LRRC37A2: variants seen among roughly 807,000 people sequenced by gnomAD.
LRRC37A2 encodes the protein leucine-rich repeat-containing protein 37A2.
A neutral mutation model predicts 68.8 loss-of-function variants in LRRC37A2; 9 were observed. The ratio of observed to expected loss-of-function variants is 0.13; its 90% confidence interval spans 0.08 to 0.23. The LOEUF (loss-of-function observed/expected upper bound fraction) is 0.23, where lower values mean the gene tolerates loss of function less well. Ranked by LOEUF, LRRC37A2 falls within the 10% of genes least tolerant of loss-of-function variation. LRRC37A2 has a pLI of 1.00. For synonymous variants in LRRC37A2, 63 were observed against 367.6 expected, an observed-to-expected ratio of 0.17 and a Z score of 9.48; for missense variants, 168 against 950.4, an observed-to-expected ratio of 0.18 and a Z score of 10.82.
the LRRC37A2 span, among the ~76,000 whole-genome samples, chr17:46,601,718 T>A: frequency 2.0e-5 from 3 of 149,550 alleles, no homozygotes; most frequent in Non-Finnish European, 2.9e-5. Context: ...GTTTCATAAT[T>A]CTTTTTGTCC....
chr17:46,745,260 C>T, the LRRC37A2 span, among the ~76,000 whole-genome samples: 27 of 152,150 alleles, frequency 1.8e-4, no homozygotes, highest in Non-Finnish European at 3.4e-4. Context: ...CATGATAAAG[C>T]TTCCTTATGA....
chr17:47,022,049 T>C, the LRRC37A2 span: 1 of 807,218 alleles, frequency 1.2e-6, no homozygotes, highest in Non-Finnish European at 2.0e-6. Flanking sequence ...CAACCACTGT[T>C]GACTGCAATC....
At chr17:46,806,925 T>A in the LRRC37A2 span, among the ~76,000 whole-genome samples, 1 of 152,132 alleles carries the variant, frequency 6.6e-6, no homozygotes, top group South Asian at 2.1e-4. Flanking sequence ...AGAGGGTGGG[T>A]GCTACCTGGG....
chr17:46,833,236 G>GC, the LRRC37A2 span: 1 of 424,830 alleles, frequency 2.4e-6, no homozygotes, highest in Non-Finnish European at 4.7e-6. Context: ...TGGAAGCTGG[G>GC]CCTGAGCCCT....
At chr17:46,894,069 G>A in the LRRC37A2 span, among the ~76,000 whole-genome samples, 1 of 152,188 alleles carries the variant, frequency 6.6e-6, no homozygotes, top group Non-Finnish European at 1.5e-5. Flanking sequence ...TGCTTACTGT[G>A]ACCACTTAGG....
the LRRC37A2 span, among the ~76,000 whole-genome samples, chr17:46,575,285 G>T: frequency 1.5e-5 from 2 of 130,086 alleles, no homozygotes; most frequent in Non-Finnish European, 1.7e-5. Flanking sequence ...TTAACAAGCC[G>T]GTAAAACACA....
chr17:47,010,668 G>A, the LRRC37A2 span: 5 of 152,374 alleles, frequency 3.3e-5, no homozygotes, highest in African/African-American at 9.6e-5. Context: ...AGCTTAGGTG[G>A]CGAGGAACAG....
the LRRC37A2 span, chr17:46,930,682 T>G: frequency 7.0e-6 from 1 of 143,574 alleles, no homozygotes; most frequent in Non-Finnish European, 1.5e-5. Flanking sequence ...AAAAAAAAAC[T>G]CATTACTATA....
chr17:47,001,784 A>T, the LRRC37A2 span, among the ~76,000 whole-genome samples: 2 of 123,042 alleles, frequency 1.6e-5, no homozygotes, highest in Non-Finnish European at 3.2e-5. Context: ...TGCAGTGGTG[A>T]GATCTCGGCT....
chr17:47,029,234 T>TG, the LRRC37A2 span, among the ~76,000 whole-genome samples: 14 of 151,884 alleles, frequency 9.2e-5, no homozygotes, highest in Middle Eastern at 6.8e-3. Flanking sequence ...GTTACAGGTG[T>TG]GAGCCACCAT....
chr17:46,864,538 G>A, the LRRC37A2 span, among the ~76,000 whole-genome samples: 1 of 152,304 alleles, frequency 6.6e-6, no homozygotes, highest in East Asian at 1.9e-4. Flanking sequence ...CCTTTAAACA[G>A]AGGGTCTTTC....
the LRRC37A2 span, among the ~76,000 whole-genome samples, chr17:46,989,425 C>T: frequency 9.8e-5 from 15 of 152,348 alleles, no homozygotes; most frequent in African/African-American, 3.4e-4. Context: ...AATCGCTCTT[C>T]CCCATCCCAA....
At chr17:46,750,364 G>GCCTA in the LRRC37A2 span, among the ~76,000 whole-genome samples, 3 of 152,050 alleles carry the variant, frequency 2.0e-5, no homozygotes, top group African/African-American at 7.2e-5. Context: ...AACAAAAAAT[G>GCCTA]CCTAGGACCA....
chr17:46,895,414 C>A, the LRRC37A2 span, among the ~76,000 whole-genome samples: 2 of 152,210 alleles, frequency 1.3e-5, no homozygotes, highest in East Asian at 3.9e-4. Flanking sequence ...GAGGACGGAA[C>A]CTCTCTGTGC....
the LRRC37A2 span, among the ~76,000 whole-genome samples, chr17:46,789,314 C>A: frequency 6.6e-6 from 1 of 152,226 alleles, no homozygotes; most frequent in African/African-American, 2.4e-5. Context: ...CAAGGACAGT[C>A]CCTGACCAGC....
At chr17:46,784,999 G>A in the LRRC37A2 span, among the ~76,000 whole-genome samples, 73 of 152,084 alleles carry the variant, frequency 4.8e-4, 1 homozygote, top group East Asian at 5.6e-3. Context: ...GGATGGTCTC[G>A]ATCTCCTGAC....
chr17:46,549,094 C>G (rs273531), exon 10 of LRRC37A2: 2 of 1,609,772 alleles, frequency 1.2e-6, no homozygotes, highest in Non-Finnish European at 1.7e-6. Flanking sequence ...CCACAGAACA[C>G]CCAAAGTCAA....
the LRRC37A2 span, among the ~76,000 whole-genome samples, chr17:46,899,268 G>A: frequency 6.6e-6 from 1 of 152,070 alleles, no homozygotes; most frequent in Non-Finnish European, 1.5e-5. Context: ...GCCAGGTATG[G>A]TGTCATGTGC....
the LRRC37A2 span, among the ~76,000 whole-genome samples, chr17:46,878,540 G>A: frequency 6.6e-6 from 1 of 152,176 alleles, no homozygotes; most frequent in African/African-American, 2.4e-5. Context: ...CCCACACCTT[G>A]GCAGCAGGAG....
Sources: allele counts gnomAD v4.1 joint callset (sites outside exome capture counted in the v4.1 genomes callset), GRCh38; gene constraint gnomAD v4.1.1; transcripts MANE v1.5; gene names NCBI Gene and HGNC (gene_info 2026-07-23, HGNC 2026-07-21).